The following SERPINC1 variants were observed in gnomAD, a reference collection of about 807,000 sequenced individuals.
SERPINC1 encodes the protein antithrombin-III.
SERPINC1 carries 12 observed loss-of-function variants against 43.4 expected under a neutral mutation model. That is an observed-to-expected ratio of 0.28 (90% confidence interval 0.18 to 0.45). The LOEUF is 0.45. Among genes scored for constraint, SERPINC1 ranks in the 20% least tolerant of loss-of-function variants. The pLI is 1.00. For synonymous variants in SERPINC1, 210 were observed against 218.9 expected (o/e 0.96, Z 0.36); for missense variants, 423 against 578.8 (o/e 0.73, Z 2.76).
intron 2 of SERPINC1, among the ~76,000 whole-genome samples, chr1:173,913,778 C>T (rs969651601): frequency 6.6e-6 from 1 of 151,860 alleles, no homozygotes; most frequent in African/African-American, 2.4e-5. Flanking sequence ...TTGCTTGAAC[C>T]CGGGAGGTAG....
chr1:173,907,743 G>A (rs1290867157), intron 5 of SERPINC1, among the ~76,000 whole-genome samples: 1 of 152,018 alleles, frequency 6.6e-6, no homozygotes, highest in Non-Finnish European at 1.5e-5. Flanking sequence ...ACTTCGGGAG[G>A]CCAAGGTGTA....
In SERPINC1 at chr1:173,909,885, C is replaced by A. The variant is rs1234376857; in HGVS notation, c.820G>T (p.Ala274Ser). The change falls in exon 5 of 7, where the codon GCT becomes TCT. Residue 274 changes from alanine (A) to serine (S), a missense_variant. Coordinates refer to ENST00000367698, the MANE Select transcript of SERPINC1 (RefSeq NM_000488.4). The part of the protein sequence containing the change: ...ENTRKELFYK[A>S]DGESCSASMM... Reference sequence around the variant, plus strand: ...GATGCTGAACACGACTCTCCATCAGCCTTGTAGAACAGTTCCTTCCTTGTG... The same window carrying A: ...GATGCTGAACACGACTCTCCATCAGACTTGTAGAACAGTTCCTTCCTTGTG... The A allele has an allele frequency of 1.2e-6, 2 of 1,614,064 alleles. No individual in the cohort carries two copies. The highest frequency in any genetic ancestry group is 2.2e-5 in the East Asian group (1 of 44,900).
chr1:173,904,893 C>T (rs1368527412), intron 6 of SERPINC1, among the ~76,000 whole-genome samples: 3 of 152,144 alleles, frequency 2.0e-5, no homozygotes, highest in Non-Finnish European at 4.4e-5. Context: ...TTATTCAAAT[C>T]AGATTCTGGT....
Position 173,909,537 on chromosome 1 carries a change from C to A in SERPINC1, c.1153+15G>T. 6.2e-7 allele frequency: 1 copy of A among 1,613,092 alleles called. No homozygotes were observed. Among genetic ancestry groups the A allele is most frequent in the Non-Finnish European group, 8.5e-7 (1 of 1,180,006 alleles). On this transcript the variant is annotated intron_variant, in intron 5 of 6. Coordinates refer to ENST00000367698, the MANE Select transcript of SERPINC1 (RefSeq NM_000488.4). ...TTGCGGGTGGAGAAGGGAGGAAACT[C>A]CTTCCTAGACAAACCTGGGAGTTTG... is the stretch of plus-strand genomic sequence containing the variant.
Position 173,910,824 on chromosome 1 carries a change from G to A in SERPINC1, c.692C>T (p.Thr231Ile), listed in dbSNP as rs1182206367. 6.2e-7 allele frequency: 1 copy of A among 1,614,084 alleles called. No individual in the cohort carries two copies. Among genetic ancestry groups the A allele is most frequent in the East Asian group, 2.2e-5 (1 of 44,884 alleles). ...GATGGCTTCCGAGGGAATGACATCG[G>A]TGATTCGGCCTTCGGTCTTATTGGA... is the stretch of plus-strand genomic sequence containing the variant. ...WVSNKTEGRITDVIPSEAINE... is the reference protein window; with the variant it reads ...WVSNKTEGRIIDVIPSEAINE... Residue 231 changes from threonine (T) to isoleucine (I), a missense_variant, in exon 4 of 7, where the codon ACC becomes ATC. By Grantham distance (89) the Thr-to-Ile change is moderately conservative. Coordinates refer to ENST00000367698, the MANE Select transcript of SERPINC1 (RefSeq NM_000488.4).
chr1:173,914,473 A>G (rs1311231353), intron 2 of SERPINC1, 80 bp downstream of exon 2: 2 of 1,548,090 alleles, frequency 1.3e-6, no homozygotes, highest in Middle Eastern at 2.2e-4. Flanking sequence ...GTGTTGGTTG[A>G]GGAATCATTG....
intron 5 of SERPINC1, among the ~76,000 whole-genome samples, chr1:173,909,087 C>T (rs1472630235): frequency 2.0e-5 from 3 of 151,984 alleles, no homozygotes; most frequent in African/African-American, 4.8e-5. Flanking sequence ...CGCTTGAACC[C>T]GGGAGGCAGA....
chr1:173,905,091 G>A (rs1264163645), intron 6 of SERPINC1, among the ~76,000 whole-genome samples: 1 of 152,148 alleles, frequency 6.6e-6, no homozygotes, highest in Non-Finnish European at 1.5e-5. Context: ...CCCTCAAGGA[G>A]GTCTGAGTTG....
Position 173,903,846 on chromosome 1 carries a change from T to C in SERPINC1, c.*43A>G. The stretch of plus-strand genomic sequence containing the variant: ...AGTTTGTATTTATTTTTACTTCTGT[T>C]CACAAACCAAAAATAGGAAGAGGTG... On this transcript the variant is annotated 3_prime_UTR_variant, in exon 7 of 7. Coordinates refer to ENST00000367698, the MANE Select transcript of SERPINC1 (RefSeq NM_000488.4). The C allele has an allele frequency of 6.4e-7, 1 of 1,570,836 alleles. No homozygotes were observed. Among genetic ancestry groups the C allele is most frequent in the South Asian group, 1.1e-5 (1 of 90,038 alleles).
intron 2 of SERPINC1, among the ~76,000 whole-genome samples, chr1:173,912,595 C>A (rs1657814108): frequency 1.3e-5 from 2 of 152,212 alleles, no homozygotes; most frequent in Non-Finnish European, 2.9e-5. Context: ...CCCTCCTGCC[C>A]TTTCCATGCT....
At chr1:173,913,940 T>A (rs1257960956) in intron 2 of SERPINC1, among the ~76,000 whole-genome samples, 1 of 151,638 alleles carries the variant, frequency 6.6e-6, no homozygotes, top group East Asian at 1.9e-4. Context: ...TAGCTGGGCG[T>A]GATGGCGTGT....
chr1:173,915,609 G>A (rs868236175), intron 1 of SERPINC1, among the ~76,000 whole-genome samples: 57 of 152,296 alleles, frequency 3.7e-4, no homozygotes, highest in African/African-American at 1.2e-3. Context: ...CCCAGGAGGC[G>A]AAGGTTGCAG....
In SERPINC1 at chr1:173,909,620, C is replaced by T; in HGVS notation, c.1085G>A (p.Ser362Asn). 6.2e-7 allele frequency: 1 copy of T among 1,614,072 alleles called. No homozygotes were observed. Among genetic ancestry groups the T allele is most frequent in the Non-Finnish European group, 8.5e-7 (1 of 1,179,996 alleles). Residue 362 changes from serine (S) to asparagine (N), a missense_variant, in exon 5 of 7, where the codon AGT becomes AAT. Ser to Asn is a conservative substitution (Grantham distance 46, BLOSUM62 1). Coordinates refer to ENST00000367698, the MANE Select transcript of SERPINC1 (RefSeq NM_000488.4). Reference protein sequence around the residue: ...MPRFRIEDGFSLKEQLQDMGL... With the variant: ...MPRFRIEDGFNLKEQLQDMGL... ...CATGTCTTGCAGCTGCTCCTTCAAA[C>T]TGAAGCCGTCCTCAATGCGGAAGCG... is the stretch of plus-strand genomic sequence containing the variant.
chr1:173,915,261 C>T, intron 1 of SERPINC1: 8 of 1,002,904 alleles, frequency 8.0e-6, no homozygotes, highest in Non-Finnish European at 1.0e-5. Context: ...GCTTTAGTGC[C>T]CAGTGAAGAG....
intron 2 of SERPINC1, among the ~76,000 whole-genome samples, chr1:173,913,367 G>A (rs192448859): frequency 4.5e-4 from 68 of 152,312 alleles, no homozygotes; most frequent in African/African-American, 1.5e-3. Context: ...AGGCAGTGGG[G>A]GGAAGGGGGT....
intron 2 of SERPINC1, among the ~76,000 whole-genome samples, chr1:173,914,328 G>A (rs1478398579): frequency 6.6e-6 from 1 of 152,158 alleles, no homozygotes; most frequent in Non-Finnish European, 1.5e-5. Flanking sequence ...GCTCAAAAGA[G>A]GAAACCAGGA....
At chr1:173,910,914 C>A (rs772515943) in intron 3 of SERPINC1, 23 bp from the exon 4 acceptor site, 2 of 1,613,990 alleles carry the variant, frequency 1.2e-6, no homozygotes, top group South Asian at 2.2e-5. Context: ...GAAAATAAAC[C>A]TACTCACCTG....
intron 6 of SERPINC1, 123 bp downstream of exon 6, chr1:173,907,327 A>G (rs923631881): frequency 3.8e-6 from 3 of 792,940 alleles, no homozygotes; most frequent in Non-Finnish European, 6.8e-6. Flanking sequence ...AGAGGGCTGT[A>G]TTATAGCAGG....
rs778165875 is a variant in SERPINC1, at chr1:173,904,042, T to A, written c.1242A>T (p.Ala414=). Residue 414 remains alanine (A), a synonymous_variant, in exon 7 of 7, where the codon GCA becomes GCT. Transcript: ENST00000367698. ...FLEVNEEGSE[A]AASTAVVIAG... Reference sequence around the variant, plus strand: ...CAATCACAACAGCGGTACTTGCAGCTGCTTCACTGCCTTCTTCATTTACCT... The same window carrying A: ...CAATCACAACAGCGGTACTTGCAGCAGCTTCACTGCCTTCTTCATTTACCT... 8.7e-6 allele frequency: 14 copies of A among 1,614,122 alleles called. No individual in the cohort carries two copies. The Admixed American group carries it at 2.2e-4, about 25-fold the overall frequency.
Sources: allele counts gnomAD v4.1 joint callset (sites outside exome capture counted in the v4.1 genomes callset), GRCh38; gene constraint gnomAD v4.1.1; transcripts MANE v1.5; gene names NCBI Gene and HGNC (gene_info 2026-07-23, HGNC 2026-07-21).